The following RAD51B variants were observed in gnomAD, a reference collection of about 807,000 sequenced individuals.
The protein encoded by RAD51B is RAD51 paralog B.
A neutral mutation model predicts 42.2 loss-of-function variants in RAD51B; 38 were observed. The ratio of observed to expected loss-of-function variants is 0.90; its 90% CI spans 0.70 to 1.18. RAD51B has a LOEUF of 1.18. Among genes scored for constraint, RAD51B ranks in the 50% most tolerant of loss-of-function variants. The pLI, the probability that RAD51B is intolerant of heterozygous loss-of-function variation, is 0.00. For synonymous variants in RAD51B, 154 were observed against 145.2 expected, an observed-to-expected ratio of 1.06 and a Z score of -0.43; for missense variants, 373 against 400.7, an observed-to-expected ratio of 0.93 and a Z score of 0.59.
At chr14:68,673,965 T>C (rs913569164) in intron 11 of RAD51B, among the ~76,000 whole-genome samples, 1 of 151,998 alleles carries the variant, frequency 6.6e-6, no homozygotes, top group East Asian at 1.9e-4. Context: ...CATCTATACA[T>C]GCACACACAT....
chr14:68,009,591 C>T (rs1293912928), intron 7 of RAD51B, among the ~76,000 whole-genome samples: 20 of 151,842 alleles, frequency 1.3e-4, no homozygotes, highest in South Asian at 4.2e-4. Context: ...TCCTAATATT[C>T]GTTCCTTCTA....
chr14:68,577,794 A>G (rs1226847226), intron 10 of RAD51B, among the ~76,000 whole-genome samples: 1 of 152,134 alleles, frequency 6.6e-6, no homozygotes, highest in African/African-American at 2.4e-5. Flanking sequence ...TATTTTCTCA[A>G]AGTTGTGTCC....
intron 7 of RAD51B, among the ~76,000 whole-genome samples, chr14:67,963,266 A>G (rs542411383): frequency 4.6e-5 from 7 of 152,154 alleles, no homozygotes; most frequent in Non-Finnish European, 1.0e-4. Flanking sequence ...CTATAATCTC[A>G]TCCCAGAAAG....
At chr14:68,567,317 T>C (rs187047706) in intron 10 of RAD51B, among the ~76,000 whole-genome samples, 6 of 148,590 alleles carry the variant, frequency 4.0e-5, no homozygotes, top group Admixed American at 6.7e-5. Context: ...AAAAAAAAAA[T>C]TCAACTTTAT....
In RAD51B at chr14:67,887,208, A is replaced by C. The variant is rs749503390; in HGVS notation, c.756+4A>C. The C allele has an allele frequency of 1.7e-5, 27 of 1,599,976 alleles. No individual in the cohort carries two copies. The highest frequency in any genetic ancestry group is 2.3e-5 in the Non-Finnish European group (27 of 1,172,808). On this transcript the variant is annotated splice_donor_region_variant and intron_variant, in intron 7 of 10. Coordinates refer to ENST00000471583, the MANE Select transcript of RAD51B (RefSeq NM_133510.4). The stretch of plus-strand genomic sequence containing the variant: ...GGCTGAGGAGTTTTCAATCCCAGTA[A>C]GTTTTTCTTTTTTTCTCTTTTTTCT...
chr14:68,447,723 A>G (rs1490426959), intron 9 of RAD51B, among the ~76,000 whole-genome samples: 1 of 151,924 alleles, frequency 6.6e-6, no homozygotes, highest in Non-Finnish European at 1.5e-5. Flanking sequence ...TAGCCATTCT[A>G]TCCATGACCT....
chr14:68,112,034 A>T (rs969571668), intron 7 of RAD51B, among the ~76,000 whole-genome samples: 5 of 151,992 alleles, frequency 3.3e-5, no homozygotes, highest in African/African-American at 1.2e-4. Context: ...TCATAATAGG[A>T]TCTCTGCCAG....
chr14:68,484,181 T>C (rs1176130474), intron 10 of RAD51B, among the ~76,000 whole-genome samples: 1 of 152,138 alleles, frequency 6.6e-6, no homozygotes, highest in Admixed American at 6.6e-5. Flanking sequence ...GCCTAAAACC[T>C]AATCTCAAGT....
At chr14:67,922,263 G>A (rs2044350832) in intron 7 of RAD51B, among the ~76,000 whole-genome samples, 1 of 152,118 alleles carries the variant, frequency 6.6e-6, no homozygotes, top group South Asian at 2.1e-4. Flanking sequence ...GCAAACCTTG[G>A]GGGAGATATC....
intron 7 of RAD51B, among the ~76,000 whole-genome samples, chr14:68,068,605 G>C (rs1285604572): frequency 6.6e-6 from 1 of 152,132 alleles, no homozygotes; most frequent in Non-Finnish European, 1.5e-5. Flanking sequence ...ATATGGACAT[G>C]TTTTCAATTC....
At chr14:68,096,178 C>T (rs2077191742) in intron 7 of RAD51B, among the ~76,000 whole-genome samples, 1 of 152,104 alleles carries the variant, frequency 6.6e-6, no homozygotes, top group Non-Finnish European at 1.5e-5. Flanking sequence ...TCATTACGCT[C>T]CTCAATCTTT....
intron 7 of RAD51B, among the ~76,000 whole-genome samples, chr14:68,036,730 A>G (rs767814271): frequency 2.0e-5 from 3 of 152,174 alleles, no homozygotes; most frequent in Non-Finnish European, 4.4e-5. Context: ...AAAGTTTTAC[A>G]TTTTAAAATG....
intron 7 of RAD51B, among the ~76,000 whole-genome samples, chr14:67,895,823 T>G (rs974027917): frequency 1.3e-5 from 2 of 152,172 alleles, no homozygotes; most frequent in African/African-American, 4.8e-5. Context: ...GAGACCTCTC[T>G]ATGGCTTTTT....
intron 7 of RAD51B, among the ~76,000 whole-genome samples, chr14:68,274,136 T>C (rs2081175290): frequency 6.6e-6 from 1 of 152,172 alleles, no homozygotes; most frequent in Non-Finnish European, 1.5e-5. Flanking sequence ...TCTTAATTTT[T>C]CTATTTTAGA....
At chr14:68,144,850 T>C (rs1340625190) in intron 7 of RAD51B, among the ~76,000 whole-genome samples, 3 of 152,212 alleles carry the variant, frequency 2.0e-5, no homozygotes, top group African/African-American at 7.2e-5. Context: ...TTTGATGGGA[T>C]CTTGTTTACC....
chr14:68,084,899 T>C (rs1173618722), intron 7 of RAD51B, among the ~76,000 whole-genome samples: 2 of 152,224 alleles, frequency 1.3e-5, no homozygotes, highest in Non-Finnish European at 2.9e-5. Flanking sequence ...GTTAAGAAGC[T>C]GCTAGCTATA....
At chr14:67,841,679 T>A (rs2041433492) in intron 4 of RAD51B, among the ~76,000 whole-genome samples, 1 of 125,140 alleles carries the variant, frequency 8.0e-6, no homozygotes. Context: ...TAGGAAGTCC[T>A]TTCCCCATTT....
intron 8 of RAD51B, among the ~76,000 whole-genome samples, chr14:68,341,790 C>T (rs2082577677): frequency 6.6e-6 from 1 of 152,156 alleles, no homozygotes; most frequent in African/African-American, 2.4e-5. Context: ...ACCCCAGTGG[C>T]AGGAAGACAG....
intron 7 of RAD51B, among the ~76,000 whole-genome samples, chr14:68,142,671 T>C (rs2078153025): frequency 6.6e-6 from 1 of 152,122 alleles, no homozygotes; most frequent in South Asian, 2.1e-4. Flanking sequence ...GATTTAATAA[T>C]AGTGATAATT....
Sources: gnomAD v4.1 joint callset for allele counts (sites outside exome capture counted in the v4.1 genomes callset) on GRCh38, gnomAD v4.1.1 for gene constraint, MANE v1.5 for transcripts, NCBI Gene and HGNC (gene_info 2026-07-23, HGNC 2026-07-21) for gene names.